VWA8: variants seen among roughly 807,000 people sequenced by gnomAD.
The protein encoded by VWA8 is von Willebrand factor A domain containing 8.
Under a neutral mutation model 241.5 loss-of-function variants are expected in VWA8, and 221 were observed. The observed-to-expected ratio is 0.91, with a 90% CI of 0.82 to 1.02. The LOEUF (loss-of-function observed/expected upper bound fraction) is 1.02, where lower values mean the gene tolerates loss of function less well. Among genes scored for constraint, VWA8 ranks in the 50% least tolerant of loss-of-function variants. The probability of loss-of-function intolerance (pLI) is 0.00; values close to 1 mark genes in which losing one functional copy is unlikely to be tolerated. For missense variants in VWA8, 2,322 were observed against 2,328.7 expected (o/e 1.00, Z 0.06); for synonymous variants, 852 against 827.1 (o/e 1.03, Z -0.52).
chr13:41,856,619 G>A lies in VWA8; in HGVS notation c.1425+9117C>T, dbSNP rs189477717. 1.7e-3 allele frequency among the ~76,000 whole-genome samples: 266 copies of A among 152,134 alleles called. 2 individuals are homozygous for A. Among genetic ancestry groups the A allele is most frequent in the African/African-American group, 5.9e-3 (243 of 41,522 alleles). On this transcript the variant is annotated intron_variant, in intron 12 of 44. Transcript: ENST00000379310. ...GAGGACTGCTTGAGCCCAGGAGTTC[G>A]AGATCAGCCTGAGCAACATGGCAAA...
At chr13:41,949,493 G>A (rs1878022221) in intron 2 of VWA8, among the ~76,000 whole-genome samples, 2 of 152,192 alleles carry the variant, frequency 1.3e-5, no homozygotes, top group Admixed American at 1.3e-4. Context: ...GGGGCTAGGG[G>A]AGGAATAGCA....
At chr13:41,655,320 G>A (rs928543265) in intron 37 of VWA8, among the ~76,000 whole-genome samples, 8 of 151,998 alleles carry the variant, frequency 5.3e-5, no homozygotes, top group South Asian at 4.2e-4. Context: ...AACTCCTGAC[G>A]TCAGTTGATC....
At chr13:41,837,044 G>C (rs1871768855) in intron 12 of VWA8, among the ~76,000 whole-genome samples, 1 of 124,170 alleles carries the variant, frequency 8.1e-6, no homozygotes. Flanking sequence ...ATGATAGATA[G>C]ATAGATAGAT....
intron 21 of VWA8, among the ~76,000 whole-genome samples, chr13:41,747,753 TTA>T (rs1447257743): frequency 1.3e-5 from 2 of 152,208 alleles, no homozygotes; most frequent in Non-Finnish European, 2.9e-5. Context: ...ATAGCTCTCA[TTA>T]TTTTGAGATA....
chr13:41,604,886 A>T (rs1426205832), intron 40 of VWA8, among the ~76,000 whole-genome samples: 2 of 152,146 alleles, frequency 1.3e-5, no homozygotes, highest in Non-Finnish European at 2.9e-5. Flanking sequence ...TAGCAGTACC[A>T]ACTTGTTCCT....
At chr13:41,890,960 C>A (rs1874808089) in intron 5 of VWA8, among the ~76,000 whole-genome samples, 1 of 152,082 alleles carries the variant, frequency 6.6e-6, no homozygotes, top group African/African-American at 2.4e-5. Context: ...ACAGGATATC[C>A]TTTAAATATT....
At chr13:41,942,028 T>C (rs1172897361) in intron 2 of VWA8, among the ~76,000 whole-genome samples, 2 of 152,154 alleles carry the variant, frequency 1.3e-5, no homozygotes, top group Non-Finnish European at 2.9e-5. Context: ...GCTACACTCA[T>C]AATAAGAGAA....
chr13:41,833,396 C>T lies in VWA8; in HGVS notation c.1561G>A (p.Ala521Thr), dbSNP rs765701971. The T allele has an allele frequency of 2.5e-6, 4 of 1,613,082 alleles. No individual in the cohort carries two copies. The South Asian group carries it at 4.4e-5, about 18-fold the overall frequency. Residue 521 changes from alanine (A) to threonine (T), a missense_variant, in exon 13 of 45, where the codon GCG (alanine) becomes ACG (threonine). Physicochemically the swap from Ala to Thr is moderately conservative, Grantham distance 58. Transcript: ENST00000379310. ...VLLDGIHRVN[A>T]GTLAVLQRLI... ...CTTTGCAATACAGCAAGCGTGCCCG[C>T]ATTCACCCGGTGAATGCCATCCAGC...
chr13:41,650,916 T>C (rs12861799), intron 37 of VWA8, among the ~76,000 whole-genome samples: 11,588 of 152,216 alleles, frequency 0.076, 897 homozygotes, highest in African/African-American at 0.2. Context: ...CAGGGGCCAA[T>C]GTGAGTGAAG....
At chr13:41,714,885 T>C (rs1027644361) in intron 26 of VWA8, among the ~76,000 whole-genome samples, 1 of 151,918 alleles carries the variant, frequency 6.6e-6, no homozygotes, top group East Asian at 1.9e-4. Flanking sequence ...TCCAAGTTGG[T>C]TACTTAAAAT....
At chr13:41,787,577 C>A in intron 17 of VWA8, 34 bp from the exon 18 acceptor site, 1 of 1,380,276 alleles carries the variant, frequency 7.2e-7, no homozygotes, top group Non-Finnish European at 1.0e-6. Flanking sequence ...GGGGAAATGG[C>A]TTAAGTCAAA....
chr13:41,640,465 C>G (rs7993824), intron 37 of VWA8, among the ~76,000 whole-genome samples: 103,985 of 152,070 alleles, frequency 0.68, 36,042 homozygotes, highest in South Asian at 0.84. Context: ...TTTTAAGCCT[C>G]AAAGATGGCT....
intron 20 of VWA8, among the ~76,000 whole-genome samples, chr13:41,762,285 G>T (rs948530334): frequency 6.6e-6 from 1 of 152,068 alleles, no homozygotes; most frequent in Admixed American, 6.5e-5. Flanking sequence ...ATTTTCATGG[G>T]TTATTTCATT....
intron 2 of VWA8, among the ~76,000 whole-genome samples, chr13:41,921,496 T>C (rs576388761): frequency 5.9e-5 from 9 of 152,276 alleles, no homozygotes; most frequent in African/African-American, 9.6e-5. Context: ...GGAAGTCAAA[T>C]TGTCCCTGTT....
At chr13:41,876,671 T>C (rs1873914444) in intron 9 of VWA8, among the ~76,000 whole-genome samples, 1 of 152,166 alleles carries the variant, frequency 6.6e-6, no homozygotes, top group Non-Finnish European at 1.5e-5. Context: ...AGCACAATAG[T>C]GCCTGGCTAA....
intron 35 of VWA8, among the ~76,000 whole-genome samples, chr13:41,678,640 T>C (rs1395995506): frequency 3.9e-5 from 6 of 152,256 alleles, no homozygotes; most frequent in Non-Finnish European, 8.8e-5. Context: ...TCAGCACTTT[T>C]AGATTGCCTG....
intron 37 of VWA8, among the ~76,000 whole-genome samples, chr13:41,646,084 G>C (rs2044830204): frequency 6.6e-6 from 1 of 151,222 alleles, no homozygotes; most frequent in Non-Finnish European, 1.5e-5. Context: ...CTTCTGCCTC[G>C]GCCTCCCGAG....
intron 12 of VWA8, among the ~76,000 whole-genome samples, chr13:41,851,560 A>G (rs1315795424): frequency 2.0e-5 from 3 of 152,282 alleles, no homozygotes; most frequent in South Asian, 2.1e-4. Flanking sequence ...TAAGTCTCAT[A>G]AGATCTGATG....
At chr13:41,911,779 TTA>T (rs1449801837) in intron 3 of VWA8, among the ~76,000 whole-genome samples, 1 of 152,218 alleles carries the variant, frequency 6.6e-6, no homozygotes, top group Non-Finnish European at 1.5e-5. Context: ...TTGCCTGAAT[TTA>T]TATCTCTTTT....
Sources: allele counts gnomAD v4.1 joint callset (sites outside exome capture counted in the v4.1 genomes callset), GRCh38; gene constraint gnomAD v4.1.1; transcripts MANE v1.5; gene names NCBI Gene and HGNC (gene_info 2026-07-23, HGNC 2026-07-21).